Variants in CIMAP3 observed in about 807,000 individuals in gnomAD.
CIMAP3 encodes the protein ciliary microtubule-associated protein 3.
chr1:111,351,428 T>C, the CIMAP3 span: 3 of 1,060,912 alleles, frequency 2.8e-6, no homozygotes, highest in Non-Finnish European at 4.0e-6. Context: ...CCCTCTTGTC[T>C]GGCAGCCTGG....
the CIMAP3 span, chr1:111,324,935 T>A: frequency 1.1e-6 from 1 of 916,080 alleles, no homozygotes; most frequent in Non-Finnish European, 1.3e-6. Context: ...AACTCATCCT[T>A]TTAGCATTGG....
At chr1:111,325,798 G>C in the CIMAP3 span, among the ~76,000 whole-genome samples, 5 of 152,122 alleles carry the variant, frequency 3.3e-5, no homozygotes, top group African/African-American at 1.2e-4. Flanking sequence ...AGAATTAAGA[G>C]ATCAGAAGTC....
At chr1:111,334,123 A>G in the CIMAP3 span, among the ~76,000 whole-genome samples, 1 of 152,244 alleles carries the variant, frequency 6.6e-6, no homozygotes, top group East Asian at 1.9e-4. Flanking sequence ...CCTTGAAAAT[A>G]TGGTAATCCT....
the CIMAP3 span, chr1:111,348,706 C>T: frequency 6.8e-5 from 99 of 1,454,434 alleles, no homozygotes; most frequent in African/African-American, 1.1e-4. Flanking sequence ...AAAAGAAGTA[C>T]GTAATAAAAG....
chr1:111,344,824 A>ATACACCACATGATCAAAATACAT, the CIMAP3 span, among the ~76,000 whole-genome samples: 1 of 152,248 alleles, frequency 6.6e-6, no homozygotes, highest in Non-Finnish European at 1.5e-5. Flanking sequence ...CCACATGAAG[A>ATACACCACATGATCAAAATACAT]CATTTTGATC....
the CIMAP3 span, among the ~76,000 whole-genome samples, chr1:111,333,982 A>G: frequency 0.56 from 85,107 of 151,748 alleles, 24,195 homozygotes; most frequent in South Asian, 0.65. Flanking sequence ...GTATGTGACT[A>G]TATTAGTATA....
At chr1:111,329,516 C>CATATATATATATATATATATAT in the CIMAP3 span, among the ~76,000 whole-genome samples, 1 of 106,282 alleles carries the variant, frequency 9.4e-6, no homozygotes, top group Non-Finnish European at 1.9e-5. Flanking sequence ...CACATAAACC[C>CATATATATATATATATATATAT]ATATATATAT....
chr1:111,345,138 A>C, the CIMAP3 span, among the ~76,000 whole-genome samples: 3 of 152,218 alleles, frequency 2.0e-5, no homozygotes, highest in South Asian at 6.2e-4. Flanking sequence ...AAGTTGCCTA[A>C]TGACACATTT....
At chr1:111,348,248 G>A in the CIMAP3 span, 1 of 283,496 alleles carries the variant, frequency 3.5e-6, no homozygotes, top group Admixed American at 4.7e-5. Context: ...GAGGTGTTAA[G>A]CATAGTGGCC....
At chr1:111,343,792 T>C in the CIMAP3 span, among the ~76,000 whole-genome samples, 1 of 152,252 alleles carries the variant, frequency 6.6e-6, no homozygotes, top group Non-Finnish European at 1.5e-5. Context: ...GTTGATCACA[T>C]TGGCAATATG....
chr1:111,331,846 G>A, the CIMAP3 span, among the ~76,000 whole-genome samples: 1 of 151,876 alleles, frequency 6.6e-6, no homozygotes, highest in Non-Finnish European at 1.5e-5. Flanking sequence ...TTATGCAGTA[G>A]GTTTCATAAA....
the CIMAP3 span, among the ~76,000 whole-genome samples, chr1:111,337,325 A>G: frequency 6.6e-6 from 1 of 152,232 alleles, no homozygotes; most frequent in African/African-American, 2.4e-5. Flanking sequence ...TCATAATGAC[A>G]GGATCAAATT....
At chr1:111,336,615 G>A in the CIMAP3 span, among the ~76,000 whole-genome samples, 11 of 152,182 alleles carry the variant, frequency 7.2e-5, no homozygotes, top group African/African-American at 2.7e-4. Flanking sequence ...AAGATGAAAT[G>A]AATGAAATGA....
At chr1:111,346,559 C>T in the CIMAP3 span, 2 of 1,595,500 alleles carry the variant, frequency 1.3e-6, no homozygotes, top group South Asian at 1.1e-5. Flanking sequence ...CTCGGGCCCT[C>T]TCCCCCTCCC....
chr1:111,349,995 TG>T, the CIMAP3 span: 1 of 720,914 alleles, frequency 1.4e-6, no homozygotes, highest in Non-Finnish European at 2.4e-6. Context: ...CTAATCAATC[TG>T]TTGCCTTTTT....
At chr1:111,325,571 A>G in the CIMAP3 span, among the ~76,000 whole-genome samples, 6 of 152,158 alleles carry the variant, frequency 3.9e-5, no homozygotes, top group Non-Finnish European at 7.4e-5. Context: ...CACTCTATTT[A>G]TTATCCTAAA....
the CIMAP3 span, chr1:111,346,938 A>T: frequency 1.2e-6 from 2 of 1,613,880 alleles, no homozygotes; most frequent in South Asian, 1.1e-5. Context: ...CTTTTGGAAC[A>T]TGTCAACAGA....
the CIMAP3 span, chr1:111,347,718 A>G: frequency 6.2e-7 from 1 of 1,613,156 alleles, no homozygotes; most frequent in South Asian, 1.1e-5. Context: ...CAACCAGTAT[A>G]AAAGGATATA....
At chr1:111,337,507 A>G in the CIMAP3 span, among the ~76,000 whole-genome samples, 1 of 152,040 alleles carries the variant, frequency 6.6e-6, no homozygotes, top group African/African-American at 2.4e-5. Flanking sequence ...AGGAAGATCT[A>G]CCAAGCCAAT....
Sources: allele counts gnomAD v4.1 joint callset (sites outside exome capture counted in the v4.1 genomes callset), GRCh38; gene constraint gnomAD v4.1.1; transcripts MANE v1.5; gene names NCBI Gene and HGNC (gene_info 2026-07-23, HGNC 2026-07-21).